Variants in DPF3 observed in about 807,000 individuals in gnomAD.
DPF3 encodes the protein double PHD fingers 3.
In DPF3, 18 loss-of-function variants were observed where a neutral mutation model predicts 56.8. The observed-to-expected ratio is 0.32, with a 90% confidence interval of 0.22 to 0.47. The LOEUF (loss-of-function observed/expected upper bound fraction) is 0.47. Ranked by LOEUF, DPF3 falls within the 20% of genes least tolerant of loss-of-function variation. The pLI, the probability that DPF3 is intolerant of heterozygous loss-of-function variation, is 1.00. For missense variants in DPF3, 403 were observed against 488.8 expected, an observed-to-expected ratio of 0.82 and a Z score of 1.65; for synonymous variants, 188 against 180.2, an observed-to-expected ratio of 1.04 and a Z score of -0.35.
At chr14:72,651,234 G>A (rs531215151) in intron 8 of DPF3, among the ~76,000 whole-genome samples, 61 of 152,312 alleles carry the variant, frequency 4.0e-4, no homozygotes, top group South Asian at 8.3e-4. Flanking sequence ...TCTTGGCATC[G>A]TGCTCCGGGG....
chr14:72,731,863 C>A lies in DPF3; in HGVS notation c.373G>T (p.Glu125Ter). 6.2e-7 allele frequency: 1 copy of A among 1,612,380 alleles called. No individual in the cohort carries two copies. The highest frequency in any genetic ancestry group is 8.5e-7 in the Non-Finnish European group (1 of 1,179,342). ...GCATCCACCTTCTTCTCAACCCCCTCGCCACGGAGCAAGGCTTCCAGCGTG... is the reference window on the plus strand; with the variant it reads ...GCATCCACCTTCTTCTCAACCCCCTAGCCACGGAGCAAGGCTTCCAGCGTG... ...STTLEALLRG[E>*]GVEKKVDARE... is the part of the protein sequence containing the mutation. Residue 125 changes from glutamate to a stop codon, truncating the protein, a stop_gained, in exon 4 of 11, where the codon GAG becomes TAG. Transcript: ENST00000556509. LOFTEE classifies it high-confidence loss of function.
intron 1 of DPF3, among the ~76,000 whole-genome samples, chr14:72,832,852 A>AT (rs1884116249): frequency 6.6e-6 from 1 of 152,188 alleles, no homozygotes; most frequent in Non-Finnish European, 1.5e-5. Context: ...AACTCATACC[A>AT]ATAGCAGGGC....
At chr14:72,856,773 A>G (rs1438783717) in intron 1 of DPF3, among the ~76,000 whole-genome samples, 2 of 152,212 alleles carry the variant, frequency 1.3e-5, no homozygotes, top group African/African-American at 4.8e-5. Context: ...GGACAGGCAG[A>G]TGGCCTTTTC....
intron 1 of DPF3, among the ~76,000 whole-genome samples, chr14:72,887,417 T>C (rs1321346378): frequency 6.6e-6 from 1 of 152,050 alleles, no homozygotes; most frequent in African/African-American, 2.4e-5. Context: ...CCTCAGACCT[T>C]GAGAAGGGAT....
chr14:72,859,557 C>A (rs1208371653), intron 1 of DPF3, among the ~76,000 whole-genome samples: 1 of 144,958 alleles, frequency 6.9e-6, no homozygotes, highest in South Asian at 2.2e-4. Context: ...GGCCATCCCT[C>A]TTCGACCTTA....
Position 72,615,594 on chromosome 14 carries a change from T to G in DPF3, c.*3703A>C, listed in dbSNP as rs1657269519. Among the ~76,000 whole-genome samples the G allele has an allele frequency of 1.3e-5, 2 of 152,152 alleles. No individual in the cohort carries two copies. Among genetic ancestry groups the G allele is most frequent in the African/African-American group, 2.4e-5 (1 of 41,440 alleles). On this transcript the variant is annotated 3_prime_UTR_variant, in exon 11 of 11. Coordinates refer to ENST00000556509, the MANE Select transcript of DPF3 (RefSeq NM_001280542.3). The stretch of plus-strand genomic sequence containing the variant: ...TCCCCAGTTCTGGAGGAATCTGGCC[T>G]CCTTCCCTCCCTTCCACCCACCCAC...
chr14:72,851,779 C>T (rs1397427447), intron 1 of DPF3, among the ~76,000 whole-genome samples: 1 of 152,178 alleles, frequency 6.6e-6, no homozygotes, highest in Non-Finnish European at 1.5e-5. Context: ...TGTTCCTCCC[C>T]GTGTGGGTAA....
At chr14:72,789,649 T>TCAAGCAATTC (rs897096547) in intron 1 of DPF3, among the ~76,000 whole-genome samples, 15 of 152,130 alleles carry the variant, frequency 9.9e-5, no homozygotes, top group Non-Finnish European at 1.6e-4. Flanking sequence ...CCTACTTAGC[T>TCAAGCAATTC]ACCCCAGTAG....
At chr14:72,789,387 C>G (rs1247098891) in intron 1 of DPF3, among the ~76,000 whole-genome samples, 1 of 152,240 alleles carries the variant, frequency 6.6e-6, no homozygotes, top group East Asian at 1.9e-4. Context: ...GGATTTGAAC[C>G]AGGTGGTCTT....
intron 8 of DPF3, among the ~76,000 whole-genome samples, chr14:72,648,407 C>T (rs1229577747): frequency 2.6e-5 from 4 of 151,758 alleles, no homozygotes; most frequent in Non-Finnish European, 4.4e-5. Context: ...ACTAAAAATA[C>T]AAAATTAGCC....
chr14:72,623,080 TA>T (rs1884564026), intron 9 of DPF3, among the ~76,000 whole-genome samples: 1 of 152,254 alleles, frequency 6.6e-6, no homozygotes, highest in African/African-American at 2.4e-5. Flanking sequence ...AAAACATATA[TA>T]CTTGTTACCA....
In DPF3 at chr14:72,617,164, T is replaced by C. The variant is rs1454349710; in HGVS notation, c.*2133A>G. Among the ~76,000 whole-genome samples the C allele has an allele frequency of 6.6e-6, 1 of 152,188 alleles. No individual in the cohort carries two copies. Among genetic ancestry groups the C allele is most frequent in the African/African-American group, 2.4e-5 (1 of 41,440 alleles). ...GGCTGCCCTATCACCTGCACTTCTG[T>C]GGAAAACAAATTTGCACATACTCTG... On this transcript the variant is annotated 3_prime_UTR_variant, in exon 11 of 11. Transcript: ENST00000556509.
At chr14:72,885,368 GGGTTT>G (rs1431324210) in intron 1 of DPF3, among the ~76,000 whole-genome samples, 1 of 103,100 alleles carries the variant, frequency 9.7e-6, no homozygotes, top group Non-Finnish European at 2.0e-5. Flanking sequence ...CTAATTTTTT[GGGTTT>G]GTTTGTTTGT....
At chr14:72,872,388 A>G (rs1885936248) in intron 1 of DPF3, among the ~76,000 whole-genome samples, 1 of 152,198 alleles carries the variant, frequency 6.6e-6, no homozygotes, top group Non-Finnish European at 1.5e-5. Flanking sequence ...TTCTCCCCAG[A>G]AAATAGGTTT....
intron 7 of DPF3, among the ~76,000 whole-genome samples, chr14:72,678,789 T>C (rs2067583678): frequency 6.6e-6 from 1 of 152,168 alleles, no homozygotes; most frequent in Non-Finnish European, 1.5e-5. Context: ...TTGATTAATG[T>C]TCATGGGCTG....
chr14:72,851,385 T>C (rs1221362901), intron 1 of DPF3, among the ~76,000 whole-genome samples: 1 of 152,216 alleles, frequency 6.6e-6, no homozygotes, highest in Non-Finnish European at 1.5e-5. Flanking sequence ...CATAGAGCCC[T>C]CAGGTTCTTA....
chr14:72,693,356 C>G (rs1887781385), intron 6 of DPF3, 143 bp from the exon 7 acceptor site: 1 of 968,258 alleles, frequency 1.0e-6, no homozygotes, highest in African/African-American at 1.7e-5. Context: ...CCCAACATCC[C>G]TTTCCCCCAC....
At chr14:72,823,618 G>C (rs113115669) in intron 1 of DPF3, among the ~76,000 whole-genome samples, 2 of 152,170 alleles carry the variant, frequency 1.3e-5, no homozygotes, top group African/African-American at 4.8e-5. Context: ...TTCTGCACTC[G>C]ATCCTGCTCC....
rs909950232 is a variant in DPF3, at chr14:72,617,519, G to A, written c.*1778C>T. Among the ~76,000 whole-genome samples the A allele has an allele frequency of 6.6e-6, 1 of 152,150 alleles. No individual in the cohort carries two copies. Among genetic ancestry groups the A allele is most frequent in the Non-Finnish European group, 1.5e-5 (1 of 68,024 alleles). On this transcript the variant is annotated 3_prime_UTR_variant, in exon 11 of 11. Coordinates refer to ENST00000556509, the MANE Select transcript of DPF3 (RefSeq NM_001280542.3). Reference sequence around the variant, plus strand: ...TATGAGGAAGATGAAAATTCCATCCGGTCGGGGGCCCTTTAAATGAGACCA... The same window carrying A: ...TATGAGGAAGATGAAAATTCCATCCAGTCGGGGGCCCTTTAAATGAGACCA...
Sources: allele counts gnomAD v4.1 joint callset (sites outside exome capture counted in the v4.1 genomes callset), GRCh38; gene constraint gnomAD v4.1.1; transcripts MANE v1.5; gene names NCBI Gene and HGNC (gene_info 2026-07-23, HGNC 2026-07-21).